The following TMEM117 variants were observed in gnomAD, a reference collection of about 807,000 sequenced individuals.
TMEM117 encodes the protein transmembrane protein 117.
TMEM117 carries 27 observed loss-of-function variants against 52.4 expected under a neutral mutation model. The ratio of observed to expected loss-of-function variants is 0.51; its 90% CI spans 0.38 to 0.71. The LOEUF is 0.71. Among genes scored for constraint, TMEM117 ranks in the 30% least tolerant of loss-of-function variants. The pLI is 0.00. For missense variants in TMEM117, 556 were observed against 630.5 expected (o/e 0.88, Z 1.26); for synonymous variants, 215 against 206.3 (o/e 1.04, Z -0.36).
intron 4 of TMEM117, among the ~76,000 whole-genome samples, chr12:44,149,289 G>A (rs926676763): frequency 2.6e-5 from 4 of 152,106 alleles, no homozygotes; most frequent in Admixed American, 6.5e-5. Context: ...AGATTACTAC[G>A]TAAGATAGAA....
At chr12:43,813,046 T>C in the TMEM117 span, among the ~76,000 whole-genome samples, 1 of 150,142 alleles carries the variant, frequency 6.7e-6, no homozygotes, top group Non-Finnish European at 1.5e-5. Flanking sequence ...AGCAGCTGAG[T>C]CTGCCACTCA....
chr12:44,266,794 T>C (rs1158826373), intron 5 of TMEM117, among the ~76,000 whole-genome samples: 2 of 152,132 alleles, frequency 1.3e-5, no homozygotes, highest in Non-Finnish European at 2.9e-5. Flanking sequence ...TTATATATGG[T>C]ATAGGATAGT....
downstream of TMEM117, among the ~76,000 whole-genome samples, chr12:44,392,896 A>G (rs1207139439): frequency 6.6e-6 from 1 of 152,072 alleles, no homozygotes; most frequent in Non-Finnish European, 1.5e-5. Context: ...AGAAAGAAAA[A>G]TCACATCAAT....
chr12:43,802,406 A>C, the TMEM117 span: 1 of 1,605,850 alleles, frequency 6.2e-7, no homozygotes, highest in South Asian at 1.1e-5. Flanking sequence ...AAACAAAGGA[A>C]TCATAATCCT....
intron 2 of TMEM117, among the ~76,000 whole-genome samples, chr12:43,901,254 A>G (rs1944299079): frequency 1.3e-5 from 2 of 152,142 alleles, no homozygotes; most frequent in South Asian, 4.2e-4. Context: ...TTTTCTCCAG[A>G]TGCTTTCTTT....
chr12:44,354,619 C>A (rs372662889), intron 6 of TMEM117, among the ~76,000 whole-genome samples: 1 of 150,548 alleles, frequency 6.6e-6, no homozygotes, highest in Non-Finnish European at 1.5e-5. Context: ...AATTCAACAA[C>A]CCTTCATGCT....
At chr12:43,797,150 A>G in the TMEM117 span, 2 of 1,513,784 alleles carry the variant, frequency 1.3e-6, no homozygotes, top group South Asian at 1.2e-5. Context: ...CATAAACTTC[A>G]TAAAACTACA....
In TMEM117 at chr12:44,301,996, A is replaced by T. The variant is rs139136365; in HGVS notation, c.768+2257A>T. On this transcript the variant is annotated intron_variant, in intron 6 of 7. Transcript: ENST00000266534. ...ATTAGCCCCAAAATTTAGGTCTCTT[A>T]ACTTCTTCTTTTCTGTCTCCCCTAA... is the stretch of plus-strand genomic sequence containing the variant. 1.6e-4 allele frequency among the ~76,000 whole-genome samples: 24 copies of T among 152,250 alleles called. 1 individual carries two copies. In the East Asian group the frequency reaches 4.6e-3, roughly 29 times the overall value.
the TMEM117 span, chr12:43,805,705 T>G: frequency 1.1e-6 from 1 of 941,088 alleles, no homozygotes; most frequent in African/African-American, 1.7e-5. Context: ...ATTTTCCTAT[T>G]TGGAGAGAAA....
chr12:44,343,382 A>G (rs1487610664), intron 6 of TMEM117, among the ~76,000 whole-genome samples: 1 of 152,096 alleles, frequency 6.6e-6, no homozygotes, highest in African/African-American at 2.4e-5. Flanking sequence ...CTGGTTGTCT[A>G]TTGATGCCCC....
chr12:44,127,573 G>A (rs1294155808), intron 3 of TMEM117, among the ~76,000 whole-genome samples: 1 of 152,054 alleles, frequency 6.6e-6, no homozygotes, highest in Non-Finnish European at 1.5e-5. Context: ...CTACTCGGGA[G>A]GCTGAGGCAG....
At chr12:44,200,312 G>T (rs1192456582) in intron 4 of TMEM117, among the ~76,000 whole-genome samples, 1 of 152,056 alleles carries the variant, frequency 6.6e-6, no homozygotes, top group Non-Finnish European at 1.5e-5. Flanking sequence ...TCTCAAAAGA[G>T]CTGAAACGGT....
intron 3 of TMEM117, among the ~76,000 whole-genome samples, chr12:44,074,180 T>C (rs1026848203): frequency 1.3e-5 from 2 of 152,310 alleles, no homozygotes; most frequent in African/African-American, 4.8e-5. Context: ...CTGGTAGCCT[T>C]TGAAGTTATA....
At chr12:44,125,265 C>T (rs1412228501) in intron 3 of TMEM117, among the ~76,000 whole-genome samples, 1 of 152,068 alleles carries the variant, frequency 6.6e-6, no homozygotes, top group Non-Finnish European at 1.5e-5. Context: ...CCACCAAGCC[C>T]GGCTAATTCT....
chr12:44,365,708 A>G (rs1415028717), intron 6 of TMEM117, among the ~76,000 whole-genome samples: 2 of 152,082 alleles, frequency 1.3e-5, no homozygotes, highest in Admixed American at 6.6e-5. Flanking sequence ...CTTAGTCTGA[A>G]TTGAATATGA....
chr12:44,280,627 T>A (rs1049436527), intron 5 of TMEM117, among the ~76,000 whole-genome samples: 6 of 152,146 alleles, frequency 3.9e-5, no homozygotes, highest in Admixed American at 2.6e-4. Flanking sequence ...TGGCAGCAAG[T>A]TACTTAAGGG....
At chr12:44,047,616 A>C (rs1275966318) in intron 3 of TMEM117, among the ~76,000 whole-genome samples, 1 of 152,172 alleles carries the variant, frequency 6.6e-6, no homozygotes, top group Non-Finnish European at 1.5e-5. Flanking sequence ...CTTGCTTTGT[A>C]AGGAGTCAAT....
chr12:43,885,914 G>A (rs1195233842), intron 2 of TMEM117, among the ~76,000 whole-genome samples: 1 of 152,084 alleles, frequency 6.6e-6, no homozygotes, highest in Non-Finnish European at 1.5e-5. Flanking sequence ...AAGCATTCCA[G>A]GTATGAGACA....
chr12:43,992,897 G>A (rs941634551), intron 3 of TMEM117, among the ~76,000 whole-genome samples: 1 of 152,178 alleles, frequency 6.6e-6, no homozygotes, highest in Non-Finnish European at 1.5e-5. Flanking sequence ...AGAGGCTTGA[G>A]GTTAAAGACT....
Sources: gnomAD v4.1 joint callset for allele counts (sites outside exome capture counted in the v4.1 genomes callset) on GRCh38, gnomAD v4.1.1 for gene constraint, MANE v1.5 for transcripts, NCBI Gene and HGNC (gene_info 2026-07-23, HGNC 2026-07-21) for gene names.